The following VEZF1 variants were observed in gnomAD, a reference collection of about 807,000 sequenced individuals.
VEZF1 encodes putative transcription factor DB1.
VEZF1 carries 5 observed loss-of-function variants against 44.1 expected under a neutral mutation model. The observed-to-expected ratio is 0.11, with a 90% CI of 0.06 to 0.24. The LOEUF (loss-of-function observed/expected upper bound fraction) is 0.24, where lower values mean the gene tolerates loss of function less well. Among genes scored for constraint, VEZF1 ranks in the 10% least tolerant of loss-of-function variants. VEZF1 has a pLI of 1.00. For missense variants in VEZF1, 358 were observed against 641.8 expected (o/e 0.56, Z 4.78); for synonymous variants, 236 against 233.1 (o/e 1.01, Z -0.11).
At chr17:57,985,850 C>A (rs1174671460) in intron 1 of VEZF1, 5 of 152,202 alleles carry the variant, frequency 3.3e-5, no homozygotes, top group African/African-American at 1.2e-4. Flanking sequence ...ACCAAGTTAT[C>A]TGGAAAGCAA....
chr17:57,975,140 T>A (rs1009723500), intron 5 of VEZF1, among the ~76,000 whole-genome samples: 1 of 152,252 alleles, frequency 6.6e-6, no homozygotes, highest in Non-Finnish European at 1.5e-5. Context: ...GCAACTTGTT[T>A]AGCCTTGCAC....
chr17:57,988,044 T>G, intron 1 of VEZF1, 35 bp downstream of exon 1: 1 of 236,224 alleles, frequency 4.2e-6, no homozygotes, highest in Non-Finnish European at 7.8e-6. Context: ...GGCCCCCCTG[T>G]CCCCCCCGTG....
rs566403626 is a variant in VEZF1, at chr17:57,976,164, C to T, written c.1139-1264G>A. Among the ~76,000 whole-genome samples, 53 of 152,158 alleles carry T rather than the reference C, an allele frequency of 3.5e-4. No individual in the cohort carries two copies. In the South Asian group the frequency reaches 9.8e-3, roughly 28 times the overall value. On this transcript the variant is annotated intron_variant, in intron 5 of 5. Transcript: ENST00000581208. ...CTCAACAAAATTCAGCACCAGAAAA[C>T]AGCAGTAAAATGATGGGTAGGCTAG...
rs1379400836 is a variant in VEZF1 at position 57,980,786 on chromosome 17, T to C, written c.793A>G (p.Thr265Ala). 1.2e-6 allele frequency: 2 copies of C among 1,614,090 alleles called. No homozygotes were observed. Among genetic ancestry groups the C allele is most frequent in the Non-Finnish European group, 1.7e-6 (2 of 1,180,036 alleles). ...TTGGTGGCAAAGGCAGCAGTGCACG[T>C]CTGCATGAGGGAGGAAAACTTTTTT... ...HSTERPFKCQTCTAAFATKDR... is the reference protein window; with the variant it reads ...HSTERPFKCQACTAAFATKDR... The change falls in exon 4 of 6, where the codon ACG (threonine) becomes GCG (alanine). Residue 265 changes from threonine to alanine, a missense_variant and splice_region_variant. Thr to Ala is a moderately conservative substitution (Grantham distance 58). Around this residue, in one of 4 missense-constraint regions of VEZF1, gnomAD observed 48 missense variants for 144.9 expected, o/e 0.33. Coordinates refer to ENST00000581208, the MANE Select transcript of VEZF1 (RefSeq NM_007146.3).
intron 5 of VEZF1, among the ~76,000 whole-genome samples, chr17:57,977,297 T>C (rs912340166): frequency 6.6e-6 from 1 of 152,040 alleles, no homozygotes; most frequent in Non-Finnish European, 1.5e-5. Flanking sequence ...TTTGTTGTTG[T>C]TGTTGTTTTT....
Position 57,983,314 on chromosome 17 carries a change from G to T in VEZF1, c.113C>A (p.Pro38His), listed in dbSNP as rs2075268017. ...TATTGGAAGCAATGGTTTCTGATCA[G>T]GGGGCTCCACGGCAGAGCTCAGGAG... Reference protein sequence around the residue: ...LPLLSSAVEPPDQKPLLPIPI... With the variant: ...LPLLSSAVEPHDQKPLLPIPI... Residue 38 changes from proline (P) to histidine (H), a missense_variant, in exon 2 of 6, where the codon CCT (proline) becomes CAT (histidine). This residue lies in a region of VEZF1 where 117 missense variants were observed against 207.2 expected (regional missense o/e 0.56). Coordinates refer to ENST00000581208, the MANE Select transcript of VEZF1 (RefSeq NM_007146.3). 1 of 1,614,032 alleles carries T rather than the reference G, an allele frequency of 6.2e-7. No homozygotes were observed. The highest frequency in any genetic ancestry group is 8.5e-7 in the Non-Finnish European group (1 of 1,180,054).
In VEZF1 at chr17:57,986,484, T is replaced by C. The variant is rs373566999; in HGVS notation, c.33+1595A>G. 1.4e-4 allele frequency among the ~76,000 whole-genome samples: 22 copies of C among 152,334 alleles called. No homozygotes were observed. In the East Asian group the frequency reaches 4.0e-3, roughly 28 times the overall value. Reference sequence around the variant, plus strand: ...TGCATGCTAGTTATATATCATTTCTTTTCCAATGCATTTTCAAGTTGGTTT... The same window carrying C: ...TGCATGCTAGTTATATATCATTTCTCTTCCAATGCATTTTCAAGTTGGTTT... On this transcript the variant is annotated intron_variant, in intron 1 of 5. Coordinates refer to ENST00000581208, the MANE Select transcript of VEZF1 (RefSeq NM_007146.3).
rs2075161881 is a variant in VEZF1 at position 57,973,761 on chromosome 17, A to G, written c.*712T>C. 1 of 152,190 alleles carries G rather than the reference A, an allele frequency of 6.6e-6. No homozygotes were observed. The highest frequency in any genetic ancestry group is 1.5e-5 in the Non-Finnish European group (1 of 68,012). The allele number at this position is 152,190 out of a possible 1,614,324, so 9.4% of individuals were successfully genotyped here. ...TTTTTTAAATTTTTTTTTTTTTTAAAAAGTCAACTACAATGCTATATTCCA... is the reference window on the plus strand; with the variant it reads ...TTTTTTAAATTTTTTTTTTTTTTAAGAAGTCAACTACAATGCTATATTCCA... On this transcript the variant is annotated 3_prime_UTR_variant, in exon 6 of 6. Transcript: ENST00000581208.
chr17:57,988,107 T>C lies in VEZF1; in HGVS notation c.5A>G (p.Glu2Gly). 2.4e-6 allele frequency: 2 copies of C among 820,786 alleles called. No homozygotes were observed. Among genetic ancestry groups the C allele is most frequent in the Non-Finnish European group, 3.1e-6 (2 of 642,936 alleles). 50.8% of individuals were successfully genotyped at this position (820,786 alleles called of 1,614,324 possible). ...GAACAGGAACGCGGTCCAGTTGGCC[T>C]CCATGGCTGCGGCGGCCGACCCCCC... M[E>G]ANWTAFLFQA... Residue 2 changes from glutamate to glycine, a missense_variant, in exon 1 of 6, where the codon GAG (glutamate) becomes GGG (glycine). Physicochemically the swap from Glu to Gly is moderately conservative, Grantham distance 98 (BLOSUM62 -2). This residue lies in a region of VEZF1 where 22 missense variants were observed against 17.3 expected (regional missense o/e 1.27). Coordinates refer to ENST00000581208, the MANE Select transcript of VEZF1 (RefSeq NM_007146.3).
chr17:57,980,915 A>G, intron 3 of VEZF1, 129 bp from the exon 4 acceptor site: 1 of 824,166 alleles, frequency 1.2e-6, no homozygotes, highest in African/African-American at 1.7e-5. Context: ...TTAATTGCAT[A>G]TGTTACCTAG....
intron 5 of VEZF1, among the ~76,000 whole-genome samples, chr17:57,976,316 A>G (rs897344344): frequency 6.6e-6 from 1 of 152,204 alleles, no homozygotes; most frequent in Non-Finnish European, 1.5e-5. Context: ...GATCAATACA[A>G]TGTAACTTTG....
chr17:57,987,001 A>G (rs893037355), intron 1 of VEZF1, among the ~76,000 whole-genome samples: 3 of 152,254 alleles, frequency 2.0e-5, no homozygotes, highest in Non-Finnish European at 4.4e-5. Flanking sequence ...GAAACGAAGT[A>G]GGAAAAAAAT....
At chr17:57,985,268 T>C in intron 1 of VEZF1, 2 of 1,231,708 alleles carry the variant, frequency 1.6e-6, no homozygotes, top group Non-Finnish European at 1.0e-6. Flanking sequence ...ATTTTACCAA[T>C]TCAGATGTCT....
intron 1 of VEZF1, among the ~76,000 whole-genome samples, chr17:57,987,733 C>T (rs1260993646): frequency 1.3e-5 from 2 of 152,088 alleles, no homozygotes; most frequent in African/African-American, 2.4e-5. Context: ...CGGCCCGGCG[C>T]CCTCCTTTCT....
chr17:57,974,284 A>T lies in VEZF1; in HGVS notation c.*189T>A. ...ATTTCTGATTAAACTAAAGTGGTCC[A>T]GTGATAAGTTACATACACACCCTAC... On this transcript the variant is annotated 3_prime_UTR_variant, in exon 6 of 6. Transcript: ENST00000581208. 1.5e-6 allele frequency: 1 copy of T among 646,184 alleles called. No homozygotes were observed. The highest frequency in any genetic ancestry group is 2.6e-6 in the Non-Finnish European group (1 of 384,794). 40.0% of individuals were successfully genotyped at this position (646,184 alleles called of 1,614,324 possible). A position where few individuals can be genotyped will look rare whatever the true frequency, so the allele number is the denominator to read the frequency against.
intron 4 of VEZF1, among the ~76,000 whole-genome samples, chr17:57,979,970 C>CAAAA (rs11359148): frequency 2.0e-4 from 14 of 68,412 alleles, no homozygotes; most frequent in East Asian, 5.9e-4. Context: ...GACTCCGTCT[C>CAAAA]AAAAAAAAAA....
In VEZF1 at chr17:57,979,311, A is replaced by T. The variant is rs1282756652; in HGVS notation, c.979T>A (p.Cys327Ser). ...TGGTTACTGGTCTCTTCACTCATGC[A>T]TGCTATTACAAAGACAAACCAAAAA... ...NTCKQGISKT[C>S]MSEETSNQKQ... Residue 327 changes from cysteine (C) to serine (S), a missense_variant and splice_region_variant, in exon 5 of 6, where the codon TGC becomes AGC. By Grantham distance (112) the Cys-to-Ser change is moderately radical. This residue lies in a region of VEZF1 where 171 missense variants were observed against 272.4 expected (regional missense o/e 0.63). Transcript: ENST00000581208. 1.2e-6 allele frequency: 2 copies of T among 1,613,546 alleles called. No homozygotes were observed. Among genetic ancestry groups the T allele is most frequent in the South Asian group, 2.2e-5 (2 of 91,054 alleles).
chr17:57,975,723 T>C (rs1338347075), intron 5 of VEZF1, among the ~76,000 whole-genome samples: 2 of 152,192 alleles, frequency 1.3e-5, no homozygotes, highest in East Asian at 1.9e-4. Flanking sequence ...CCACCAAGCA[T>C]ACCAAAGAGA....
Position 57,982,684 on chromosome 17 carries a change from A to T in VEZF1, c.728+15T>A, listed in dbSNP as rs1567739913. 2 of 1,586,600 alleles carry T rather than the reference A, an allele frequency of 1.3e-6. No individual in the cohort carries two copies. Among genetic ancestry groups the T allele is most frequent in the Non-Finnish European group, 1.7e-6 (2 of 1,167,874 alleles). ...ACCATAATGAAGCAAAGCAAAGCAA[A>T]GCAAAATGCAGTACCTTGAGAAGCC... On this transcript the variant is annotated intron_variant, in intron 2 of 5. Coordinates refer to ENST00000581208, the MANE Select transcript of VEZF1 (RefSeq NM_007146.3).
Sources: gnomAD v4.1 joint callset for allele counts (sites outside exome capture counted in the v4.1 genomes callset) on GRCh38, gnomAD v4.1.1 for gene constraint, gnomAD v4.1.1 regional missense constraint, MANE v1.5 for transcripts, NCBI Gene and HGNC (gene_info 2026-07-23, HGNC 2026-07-21) for gene names.